Variants in GTPBP10 observed in about 807,000 individuals in gnomAD.
The protein encoded by GTPBP10 is GTP-binding protein 10.
In GTPBP10, 38 loss-of-function variants were observed where a neutral mutation model predicts 44.8. The observed-to-expected ratio is 0.85, with a 90% CI of 0.65 to 1.11. The LOEUF is 1.11. Among genes scored for constraint, GTPBP10 ranks in the 50% most tolerant of loss-of-function variants. The pLI is 0.00. For synonymous variants in GTPBP10, 152 were observed against 150.6 expected, an observed-to-expected ratio of 1.01 and a Z score of -0.07; for missense variants, 462 against 453.7, an observed-to-expected ratio of 1.02 and a Z score of -0.17.
At chr7:90,362,562 C>G (rs1286569940) in intron 4 of GTPBP10, among the ~76,000 whole-genome samples, 1 of 152,076 alleles carries the variant, frequency 6.6e-6, no homozygotes, top group Non-Finnish European at 1.5e-5. Flanking sequence ...ACTATGTGGT[C>G]AATTTTGGAT....
chr7:90,380,834 G>A (rs1796424718), intron 8 of GTPBP10, among the ~76,000 whole-genome samples: 1 of 152,040 alleles, frequency 6.6e-6, no homozygotes, highest in Non-Finnish European at 1.5e-5. Flanking sequence ...CATTTTCTCT[G>A]CTACTATGAA....
At chr7:90,371,108 AT>A (rs1796250046) in intron 4 of GTPBP10, 1 of 493,086 alleles carries the variant, frequency 2.0e-6, no homozygotes, top group Non-Finnish European at 2.6e-6. Context: ...AAAGATAGTC[AT>A]TGCATTGTTT....
chr7:90,361,897 G>A (rs1247749046), intron 4 of GTPBP10, among the ~76,000 whole-genome samples: 1 of 152,206 alleles, frequency 6.6e-6, no homozygotes, highest in Non-Finnish European at 1.5e-5. Flanking sequence ...GTTTCTTCTA[G>A]ATTTTCTAGT....
chr7:90,348,192 C>G (rs1369290854), intron 1 of GTPBP10, among the ~76,000 whole-genome samples: 2 of 152,082 alleles, frequency 1.3e-5, no homozygotes, highest in Non-Finnish European at 2.9e-5. Context: ...CACTCGAGCC[C>G]AGGCACCAGA....
In GTPBP10 at chr7:90,384,960, A is replaced by G. The variant is rs1479585327; in HGVS notation, c.970A>G (p.Ile324Val). ...TGTAGAGTTCCAACATATCATCCCC[A>G]TATCTGCAGTTACTGGAGAAGGAAT... Reference protein sequence around the residue: ...RTVEFQHIIPISAVTGEGIEE... With the variant: ...RTVEFQHIIPVSAVTGEGIEE... The change falls in exon 10 of 10, where the codon ATA (isoleucine) becomes GTA (valine). Residue 324 changes from isoleucine (I) to valine (V), a missense_variant. By Grantham distance (29) the Ile-to-Val change is conservative. Transcript: ENST00000222511. 1.2e-6 allele frequency: 2 copies of G among 1,612,560 alleles called. No homozygotes were observed. Among genetic ancestry groups the G allele is most frequent in the South Asian group, 1.1e-5 (1 of 91,048 alleles).
intron 8 of GTPBP10, among the ~76,000 whole-genome samples, chr7:90,378,847 C>T (rs1041421982): frequency 6.6e-6 from 1 of 152,046 alleles, no homozygotes; most frequent in African/African-American, 2.4e-5. Context: ...GGATTACAAG[C>T]GTGTGCCACC....
intron 8 of GTPBP10, 154 bp downstream of exon 8, chr7:90,378,365 T>C: frequency 1.5e-6 from 1 of 649,168 alleles, no homozygotes; most frequent in Non-Finnish European, 1.9e-6. Flanking sequence ...CCATTTCCTC[T>C]ACATTCATTT....
intron 4 of GTPBP10, among the ~76,000 whole-genome samples, chr7:90,360,122 G>T (rs1795985403): frequency 6.6e-6 from 1 of 151,942 alleles, no homozygotes; most frequent in Admixed American, 6.6e-5. Context: ...TTCTTTTGCT[G>T]TGCAGAAGCT....
At chr7:90,371,340 A>C (rs890823277) in intron 4 of GTPBP10, 1 of 176,326 alleles carries the variant, frequency 5.7e-6, no homozygotes, top group African/African-American at 2.4e-5. Context: ...TGTTCACCTT[A>C]TATGATTCAG....
chr7:90,369,797 T>C (rs1796221908), intron 4 of GTPBP10, among the ~76,000 whole-genome samples: 1 of 152,170 alleles, frequency 6.6e-6, no homozygotes, highest in Non-Finnish European at 1.5e-5. Flanking sequence ...CGCCCCACCC[T>C]GCTTTGGTTT....
At position 90,385,216 on chromosome 7, in the gene GTPBP10, A is replaced by G. The variant is rs2115791863; in HGVS notation, c.*62A>G. The G allele has an allele frequency of 8.3e-7, 1 of 1,198,314 alleles. No homozygotes were observed. Among genetic ancestry groups the G allele is most frequent in the Non-Finnish European group, 1.2e-6 (1 of 863,684 alleles). 74.2% of individuals were successfully genotyped at this position (1,198,314 alleles called of 1,614,324 possible). ...TGCTTAAAAACAAGGAAATCCTTTCATCTGTGACAACCTGGAGGACATGTT... is the reference window on the plus strand; with the variant it reads ...TGCTTAAAAACAAGGAAATCCTTTCGTCTGTGACAACCTGGAGGACATGTT... On this transcript the variant is annotated 3_prime_UTR_variant, in exon 10 of 10. Transcript: ENST00000222511.
At chr7:90,361,798 C>G (rs1449092535) in intron 4 of GTPBP10, among the ~76,000 whole-genome samples, 1 of 152,134 alleles carries the variant, frequency 6.6e-6, no homozygotes, top group South Asian at 2.1e-4. Flanking sequence ...ATTATTGCCT[C>G]AATTTCAGAG....
At chr7:90,366,307 G>C (rs1796133160) in intron 4 of GTPBP10, among the ~76,000 whole-genome samples, 2 of 152,108 alleles carry the variant, frequency 1.3e-5, no homozygotes, top group Admixed American at 1.3e-4. Flanking sequence ...GAGTTAGAGA[G>C]GATTCCCTCT....
chr7:90,389,627 T>C lies in GTPBP10; in HGVS notation c.*4473T>C, dbSNP rs1796582547. On this transcript the variant is annotated 3_prime_UTR_variant, in exon 10 of 10. Transcript: ENST00000222511. ...GGAAAATTTTTTAAAAGACATTTAT[T>C]AAAAAAAAATGTCTATGCCTTATCA... is the stretch of plus-strand genomic sequence containing the variant. The C allele has an allele frequency of 6.6e-6, 1 of 151,190 alleles. No individual in the cohort carries two copies. The highest frequency in any genetic ancestry group is 1.5e-5 in the Non-Finnish European group (1 of 67,744). 9.4% of individuals were successfully genotyped at this position (151,190 alleles called of 1,614,324 possible).
chr7:90,369,211 C>G (rs2115709120), intron 4 of GTPBP10, among the ~76,000 whole-genome samples: 1 of 152,270 alleles, frequency 6.6e-6, no homozygotes, highest in South Asian at 2.1e-4. Context: ...TGTCTCTTGG[C>G]CCCTACTGGG....
intron 4 of GTPBP10, among the ~76,000 whole-genome samples, chr7:90,370,052 G>A (rs137951560): frequency 6.6e-6 from 1 of 152,078 alleles, no homozygotes; most frequent in Admixed American, 6.5e-5. Flanking sequence ...ACTACCTATT[G>A]GGTACAATGT....
intron 1 of GTPBP10, among the ~76,000 whole-genome samples, chr7:90,351,208 A>T (rs1189952451): frequency 1.3e-5 from 2 of 152,226 alleles, no homozygotes; most frequent in Non-Finnish European, 2.9e-5. Flanking sequence ...ACATTTGCTT[A>T]CATTTCTCTT....
At chr7:90,377,099 C>T (rs531871236) in intron 6 of GTPBP10, among the ~76,000 whole-genome samples, 2 of 152,206 alleles carry the variant, frequency 1.3e-5, no homozygotes, top group Non-Finnish European at 2.9e-5. Flanking sequence ...CGGTACGCAC[C>T]TGGAGTCTTA....
intron 8 of GTPBP10, among the ~76,000 whole-genome samples, chr7:90,380,707 T>TATAGTC (rs1334241220): frequency 1.3e-5 from 2 of 152,212 alleles, no homozygotes; most frequent in African/African-American, 4.8e-5. Context: ...ATACATTAAC[T>TATAGTC]ATAGTCATCA....
Sources: allele counts gnomAD v4.1 joint callset (sites outside exome capture counted in the v4.1 genomes callset), GRCh38; gene constraint gnomAD v4.1.1; transcripts MANE v1.5; gene names NCBI Gene and HGNC (gene_info 2026-07-23, HGNC 2026-07-21).